MAGI3: variants seen among roughly 807,000 people sequenced by gnomAD.
MAGI3 encodes the protein membrane-associated guanylate kinase, WW and PDZ domain-containing protein 3.
In MAGI3, 43 loss-of-function variants were observed where a neutral mutation model predicts 121.8. That is an observed-to-expected ratio of 0.35 (90% CI 0.28 to 0.46). The LOEUF (loss-of-function observed/expected upper bound fraction) is 0.46, where lower values mean the gene tolerates loss of function less well. Among genes scored for constraint, MAGI3 ranks in the 20% least tolerant of loss-of-function variants. The pLI is 1.00. For missense variants in MAGI3, 1,547 were observed against 1,797.3 expected (o/e 0.86, Z 2.52); for synonymous variants, 553 against 639.3 (o/e 0.86, Z 2.04).
intron 1 of MAGI3, among the ~76,000 whole-genome samples, chr1:113,515,649 T>C (rs574187745): frequency 6.6e-6 from 1 of 152,254 alleles, no homozygotes; most frequent in East Asian, 1.9e-4. Flanking sequence ...TTTTTTCAGC[T>C]GGTAAATACA....
At chr1:113,570,353 C>T (rs1388919734) in intron 2 of MAGI3, among the ~76,000 whole-genome samples, 1 of 152,092 alleles carries the variant, frequency 6.6e-6, no homozygotes, top group Non-Finnish European at 1.5e-5. Context: ...AATAAACATA[C>T]ATGTGCATGT....
intron 7 of MAGI3, among the ~76,000 whole-genome samples, chr1:113,619,004 A>G (rs980308106): frequency 2.6e-5 from 4 of 152,190 alleles, no homozygotes; most frequent in Non-Finnish European, 5.9e-5. Context: ...TCTGTAAAAC[A>G]TACTATCGCC....
At chr1:113,432,259 T>C (rs565449774) in intron 1 of MAGI3, among the ~76,000 whole-genome samples, 1 of 152,346 alleles carries the variant, frequency 6.6e-6, no homozygotes, top group Admixed American at 6.5e-5. Context: ...TTATTGACCT[T>C]GTTCTAGCAC....
intron 1 of MAGI3, among the ~76,000 whole-genome samples, chr1:113,411,201 C>T (rs1456281060): frequency 6.6e-6 from 1 of 152,012 alleles, no homozygotes; most frequent in East Asian, 1.9e-4. Flanking sequence ...ATAATTTATT[C>T]TTAGCAACTT....
intron 20 of MAGI3, 144 bp from the exon 21 acceptor site, chr1:113,682,753 T>C (rs1648294102): frequency 2.1e-6 from 3 of 1,411,796 alleles, no homozygotes; most frequent in Non-Finnish European, 2.8e-6. Context: ...TAGAGAGATA[T>C]GTTGTAAACA....
Position 113,672,741 on chromosome 1 carries a change from G to C in MAGI3, c.3045G>C (p.Gln1015His). The C allele has an allele frequency of 6.2e-7, 1 of 1,607,312 alleles. No individual in the cohort carries two copies. Among genetic ancestry groups the C allele is most frequent in the Non-Finnish European group, 8.5e-7 (1 of 1,177,568 alleles). ...VISVVGSRHN[Q>H]NLGCYPVELE... ...CAGTTGTAGGCAGTCGGCACAATCA[G>C]GTAAACAAACATTTCCCCAGATGGG... Residue 1015 changes from glutamine to histidine, a missense_variant and splice_region_variant, in exon 18 of 21, where the codon CAG (glutamine) becomes CAC (histidine). Coordinates refer to ENST00000307546, the MANE Select transcript of MAGI3 (RefSeq NM_001142782.2).
chr1:113,622,459 C>A (rs1650887626), intron 8 of MAGI3, among the ~76,000 whole-genome samples: 1 of 152,162 alleles, frequency 6.6e-6, no homozygotes, highest in Non-Finnish European at 1.5e-5. Flanking sequence ...TCAAAGACTG[C>A]AGAAAGCCTG....
At chr1:113,455,818 A>G (rs1014491601) in intron 1 of MAGI3, among the ~76,000 whole-genome samples, 6 of 152,182 alleles carry the variant, frequency 3.9e-5, no homozygotes, top group Non-Finnish European at 5.9e-5. Flanking sequence ...CCCCAAGTAT[A>G]TCATAATTTC....
chr1:113,666,744 G>A (rs566031639), intron 16 of MAGI3, among the ~76,000 whole-genome samples: 30 of 152,200 alleles, frequency 2.0e-4, no homozygotes, highest in African/African-American at 5.3e-4. Flanking sequence ...GCCTAGACCC[G>A]TAGAAAAATC....
At chr1:113,485,919 G>T (rs559839687) in intron 1 of MAGI3, among the ~76,000 whole-genome samples, 1 of 152,158 alleles carries the variant, frequency 6.6e-6, no homozygotes, top group African/African-American at 2.4e-5. Context: ...GTTGAATAGG[G>T]TGTCTTTTCC....
chr1:113,684,029 C>A lies in MAGI3; in HGVS notation c.*15C>A, dbSNP rs1167303656. 1.3e-6 allele frequency: 2 copies of A among 1,490,942 alleles called. No homozygotes were observed. The highest frequency in any genetic ancestry group is 1.8e-6 in the Non-Finnish European group (2 of 1,125,244). The allele number at this position is 1,490,942 out of a possible 1,614,324, so 92.4% of individuals were successfully genotyped here. A position where few individuals can be genotyped will look rare whatever the true frequency, so the allele number is the denominator to read the frequency against. The stretch of plus-strand genomic sequence containing the variant: ...AACGGCAGTAACCTTTAGTATAAAA[C>A]AAAGAAAAACAAGTTGTAATCTTTT... On this transcript the variant is annotated 3_prime_UTR_variant, in exon 21 of 21. Transcript: ENST00000307546.
chr1:113,460,265 C>A (rs928222489), intron 1 of MAGI3, among the ~76,000 whole-genome samples: 29 of 152,268 alleles, frequency 1.9e-4, no homozygotes, highest in African/African-American at 6.5e-4. Flanking sequence ...ATTGAAGGAA[C>A]ATACCTCAAA....
At chr1:113,547,272 A>G (rs956545482) in intron 1 of MAGI3, among the ~76,000 whole-genome samples, 2 of 150,548 alleles carry the variant, frequency 1.3e-5, no homozygotes, top group Admixed American at 1.4e-4. Context: ...GTTATACCAT[A>G]TCTGACAGTA....
chr1:113,524,197 G>A (rs893639434), intron 1 of MAGI3, among the ~76,000 whole-genome samples: 1 of 152,176 alleles, frequency 6.6e-6, no homozygotes, highest in Non-Finnish European at 1.5e-5. Flanking sequence ...TTGCTGCGGG[G>A]ATGGGGCACT....
intron 1 of MAGI3, chr1:113,403,635 TTC>T (rs1397591253): frequency 6.6e-6 from 1 of 152,050 alleles, no homozygotes; most frequent in Non-Finnish European, 1.5e-5. Flanking sequence ...TAATTGAAAA[TTC>T]TCTCTTTTTT....
chr1:113,610,156 CAG>C (rs1368903254), intron 6 of MAGI3, among the ~76,000 whole-genome samples: 5 of 151,952 alleles, frequency 3.3e-5, no homozygotes, highest in Admixed American at 1.3e-4. Flanking sequence ...TGTTTTGAGA[CAG>C]AGTCTTGCAC....
chr1:113,565,140 G>A (rs527553341), intron 2 of MAGI3, among the ~76,000 whole-genome samples: 5 of 152,072 alleles, frequency 3.3e-5, no homozygotes, highest in African/African-American at 1.2e-4. Flanking sequence ...GTGAGCCACC[G>A]AGCCCAACCC....
At chr1:113,548,071 A>C (rs1316485812) in intron 1 of MAGI3, among the ~76,000 whole-genome samples, 1 of 152,222 alleles carries the variant, frequency 6.6e-6, no homozygotes, top group African/African-American at 2.4e-5. Context: ...AGAGCAAAAG[A>C]GGGAGTTAGA....
intron 1 of MAGI3, among the ~76,000 whole-genome samples, chr1:113,481,389 T>C (rs1656104858): frequency 6.6e-6 from 1 of 152,224 alleles, no homozygotes; most frequent in Non-Finnish European, 1.5e-5. Context: ...ATGAACACTA[T>C]ACATTGACAG....
Sources: gnomAD v4.1 joint callset for allele counts (sites outside exome capture counted in the v4.1 genomes callset) on GRCh38, gnomAD v4.1.1 for gene constraint, MANE v1.5 for transcripts, NCBI Gene and HGNC (gene_info 2026-07-23, HGNC 2026-07-21) for gene names.